PCDHA10: variants seen among roughly 807,000 people sequenced by gnomAD.
PCDHA10 encodes protocadherin alpha-10.
Under a neutral mutation model 61.2 loss-of-function variants are expected in PCDHA10, and 45 were observed. The ratio of observed to expected loss-of-function variants is 0.74; its 90% CI spans 0.58 to 0.94. PCDHA10 has a LOEUF of 0.94. Among genes scored for constraint, PCDHA10 ranks in the 40% least tolerant of loss-of-function variants. PCDHA10 has a pLI of 0.00. For synonymous variants in PCDHA10, 602 were observed against 548.8 expected, an observed-to-expected ratio of 1.10 and a Z score of -1.35; for missense variants, 1,278 against 1,236.2, an observed-to-expected ratio of 1.03 and a Z score of -0.51.
At chr5:140,877,108 G>C in intron 1 of PCDHA10, 1 of 1,613,542 alleles carries the variant, frequency 6.2e-7, no homozygotes. Context: ...GCCGCCTCTG[G>C]GCAGCAACGT....
chr5:140,856,192 G>A lies in PCDHA10; in HGVS notation c.144G>A (p.Ala48=), dbSNP rs782508103. Residue 48 remains alanine, a synonymous_variant, in exon 1 of 4, where the codon GCG becomes GCA. Coordinates refer to ENST00000307360, the MANE Select transcript of PCDHA10 (RefSeq NM_018901.4). Reference sequence around the variant, plus strand: ...ACGGCACCTTCGTGGGCCGCATCGCGCAGGACCTGGGGCTGGAGCTGGCGG... The same window carrying A: ...ACGGCACCTTCGTGGGCCGCATCGCACAGGACCTGGGGCTGGAGCTGGCGG... ...ARHGTFVGRI[A]QDLGLELAEL... is the part of the protein sequence containing the mutation. 3 of 1,598,180 alleles carry A rather than the reference G, an allele frequency of 1.9e-6. No individual in the cohort carries two copies. The highest frequency in any genetic ancestry group is 1.7e-6 in the Non-Finnish European group (2 of 1,167,910).
intron 1 of PCDHA10, among the ~76,000 whole-genome samples, chr5:140,961,680 C>T (rs989401730): frequency 3.3e-5 from 5 of 152,040 alleles, no homozygotes; most frequent in African/African-American, 4.8e-5. Flanking sequence ...TTAATTAAGC[C>T]GGAGTAGTCC....
At chr5:140,884,230 CG>C in intron 1 of PCDHA10, 2 of 1,613,384 alleles carry the variant, frequency 1.2e-6, no homozygotes, top group Non-Finnish European at 1.7e-6. Flanking sequence ...TGAAGGACCA[CG>C]GTGAGCCCGC....
chr5:141,006,948 A>G (rs1432589918), intron 3 of PCDHA10, among the ~76,000 whole-genome samples: 3 of 152,194 alleles, frequency 2.0e-5, no homozygotes, highest in African/African-American at 7.2e-5. Flanking sequence ...CCAGATAGGC[A>G]GTTATACATG....
chr5:141,009,471 G>A, intron 3 of PCDHA10, 156 bp from the exon 4 acceptor site: 1 of 961,136 alleles, frequency 1.0e-6, no homozygotes, highest in Non-Finnish European at 1.2e-6. Context: ...AAATAAATAA[G>A]TAAACACTTG....
rs1032045343 is a variant in PCDHA10 at position 140,949,549 on chromosome 5, G to A, written c.2389-29400G>A. On this transcript the variant is annotated intron_variant, in intron 1 of 3. Transcript: ENST00000307360. Reference sequence around the variant, plus strand: ...CTTCATAAAATATCGATTTGTTGCTGGTCATACTTTTTTTCTTGTAGTAGC... The same window carrying A: ...CTTCATAAAATATCGATTTGTTGCTAGTCATACTTTTTTTCTTGTAGTAGC... Among the ~76,000 whole-genome samples the A allele has an allele frequency of 2.0e-5, 3 of 151,684 alleles. No homozygotes were observed. In the South Asian group the frequency reaches 6.2e-4, roughly 31 times the overall value.
chr5:140,954,532 GT>G (rs1274213608), intron 1 of PCDHA10, among the ~76,000 whole-genome samples: 7 of 152,088 alleles, frequency 4.6e-5, no homozygotes, highest in Non-Finnish European at 5.9e-5. Context: ...TGATGTTGAG[GT>G]TTTTTTCATA....
intron 1 of PCDHA10, chr5:140,868,367 A>T (rs1172492575): frequency 1.3e-5 from 2 of 152,208 alleles, no homozygotes; most frequent in African/African-American, 4.8e-5. Context: ...AAATGTAAAT[A>T]ACAGTAAAGA....
chr5:140,923,000 G>A (rs1554201089), intron 1 of PCDHA10, among the ~76,000 whole-genome samples: 2 of 152,220 alleles, frequency 1.3e-5, no homozygotes, highest in African/African-American at 4.8e-5. Context: ...CCATGAGAAT[G>A]GTTGTTGGAC....
intron 1 of PCDHA10, chr5:140,926,768 C>T: frequency 2.2e-6 from 3 of 1,361,764 alleles, no homozygotes; most frequent in Non-Finnish European, 2.9e-6. Context: ...GTATCCAGCC[C>T]GCAGCAGTGA....
At chr5:140,951,047 A>T (rs2094543631) in intron 1 of PCDHA10, among the ~76,000 whole-genome samples, 1 of 151,878 alleles carries the variant, frequency 6.6e-6, no homozygotes, top group Non-Finnish European at 1.5e-5. Flanking sequence ...TTATATTTTT[A>T]TTGCTAAAAT....
In PCDHA10 at chr5:140,991,828, C is replaced by T. The variant is rs1554252431; in HGVS notation, c.2536+9265C>T. Among the ~76,000 whole-genome samples, 6 of 152,168 alleles carry T rather than the reference C, an allele frequency of 3.9e-5. No homozygotes were observed. The South Asian group carries it at 6.2e-4, about 16-fold the overall frequency. The stretch of plus-strand genomic sequence containing the variant: ...CTTCCGCATTTTTAGGCATTTATAA[C>T]GGCAGAACCGCACTTCCAGATACCA... On this transcript the variant is annotated intron_variant, in intron 3 of 3. Transcript: ENST00000307360.
chr5:140,995,685 T>C (rs951521178), intron 3 of PCDHA10, among the ~76,000 whole-genome samples: 8 of 152,186 alleles, frequency 5.3e-5, no homozygotes, highest in African/African-American at 1.9e-4. Flanking sequence ...TTTTTTTTAA[T>C]TGTTAAATAA....
intron 1 of PCDHA10, chr5:140,967,339 G>A (rs2153751436): frequency 6.2e-7 from 1 of 1,607,904 alleles, no homozygotes; most frequent in Non-Finnish European, 8.5e-7. Context: ...GCCCCAGCGA[G>A]CACTTCGAGC....
chr5:140,875,525 T>C, intron 1 of PCDHA10: 1 of 1,614,132 alleles, frequency 6.2e-7, no homozygotes, highest in Non-Finnish European at 8.5e-7. Flanking sequence ...CTGCTCTCGC[T>C]TCTGCTCCTT....
chr5:140,858,133 C>A lies in PCDHA10; in HGVS notation c.2085C>A (p.Asn695Lys). Residue 695 changes from asparagine (N) to lysine (K), a missense_variant, in exon 1 of 4, where the codon AAC becomes AAA. Coordinates refer to ENST00000307360, the MANE Select transcript of PCDHA10 (RefSeq NM_018901.4). The stretch of plus-strand genomic sequence containing the variant: ...CCGAGGTGGCCCTGGTGGATGTCAA[C>A]GTGTACCTGATCATCGCCATCTGCG... ...VAPEVALVDV[N>K]VYLIIAICAV... 2 of 1,597,688 alleles carry A rather than the reference C, an allele frequency of 1.3e-6. No individual in the cohort carries two copies. Among genetic ancestry groups the A allele is most frequent in the Non-Finnish European group, 1.7e-6 (2 of 1,167,502 alleles).
intron 1 of PCDHA10, chr5:140,869,853 C>T: frequency 1.2e-6 from 2 of 1,610,606 alleles, no homozygotes; most frequent in South Asian, 2.2e-5. Flanking sequence ...ATAAGGTGAG[C>T]CTTATGGAAA....
intron 1 of PCDHA10, among the ~76,000 whole-genome samples, chr5:140,924,437 T>C (rs2081836231): frequency 6.6e-6 from 1 of 152,206 alleles, no homozygotes; most frequent in Non-Finnish European, 1.5e-5. Flanking sequence ...CTAGAAGAGA[T>C]AACGAATGGG....
At chr5:140,998,300 G>C (rs1287043977) in intron 3 of PCDHA10, among the ~76,000 whole-genome samples, 1 of 152,194 alleles carries the variant, frequency 6.6e-6, no homozygotes, top group Non-Finnish European at 1.5e-5. Context: ...CACACATTTA[G>C]TAAGGGCACC....
Sources: allele counts gnomAD v4.1 joint callset (sites outside exome capture counted in the v4.1 genomes callset), GRCh38; gene constraint gnomAD v4.1.1; transcripts MANE v1.5; gene names NCBI Gene and HGNC (gene_info 2026-07-23, HGNC 2026-07-21).